Variants in GPC5 observed in about 807,000 individuals in gnomAD.
GPC5 encodes the protein glypican-5.
Under a neutral mutation model 53.9 loss-of-function variants are expected in GPC5, and 47 were observed. That is an observed-to-expected ratio of 0.87 (90% CI 0.69 to 1.11). The LOEUF is 1.11. GPC5 is among the 50% of genes most tolerant of loss of function. GPC5 has a pLI of 0.00. For missense variants in GPC5, 748 were observed against 713.1 expected, an observed-to-expected ratio of 1.05 and a Z score of -0.56; for synonymous variants, 286 against 263.3, an observed-to-expected ratio of 1.09 and a Z score of -0.84.
At chr13:91,478,843 ACACAT>A (rs1883114106) in intron 2 of GPC5, among the ~76,000 whole-genome samples, 8 of 118,388 alleles carry the variant, frequency 6.8e-5, no homozygotes, top group African/African-American at 1.3e-4. Context: ...ACATATATAT[ACACAT>A]TATATATATA....
At chr13:92,355,399 G>A (rs941997593) in intron 7 of GPC5, among the ~76,000 whole-genome samples, 8 of 152,086 alleles carry the variant, frequency 5.3e-5, no homozygotes, top group African/African-American at 1.9e-4. Flanking sequence ...GCAGACTCTG[G>A]CTTTATCGCC....
chr13:91,995,860 G>T (rs1399451616), intron 6 of GPC5: 2 of 152,102 alleles, frequency 1.3e-5, no homozygotes, highest in Non-Finnish European at 2.9e-5. Flanking sequence ...GTGCAATAAG[G>T]CATTTTAGGT....
intron 7 of GPC5, among the ~76,000 whole-genome samples, chr13:92,361,217 C>T (rs1394872929): frequency 6.6e-6 from 1 of 151,518 alleles, no homozygotes; most frequent in African/African-American, 2.4e-5. Flanking sequence ...CTAAAGAAAA[C>T]CTTTGGTCAC....
At chr13:92,695,847 C>T (rs921310835) in intron 7 of GPC5, among the ~76,000 whole-genome samples, 1 of 152,036 alleles carries the variant, frequency 6.6e-6, no homozygotes, top group African/African-American at 2.4e-5. Flanking sequence ...ATTATCCCTC[C>T]CCTAGTCCCC....
chr13:91,837,204 G>A (rs1287392335), intron 5 of GPC5, among the ~76,000 whole-genome samples: 6 of 151,680 alleles, frequency 4.0e-5, no homozygotes, highest in Admixed American at 3.9e-4. Flanking sequence ...ATTACTATTA[G>A]AAATCCCTAT....
chr13:92,661,259 A>C (rs1270757179), intron 7 of GPC5, among the ~76,000 whole-genome samples: 2 of 151,900 alleles, frequency 1.3e-5, no homozygotes, highest in Non-Finnish European at 2.9e-5. Context: ...ATGCCAATGC[A>C]CTCTAACCTG....
chr13:92,193,194 T>C (rs1241931839), intron 7 of GPC5, among the ~76,000 whole-genome samples: 3 of 151,920 alleles, frequency 2.0e-5, no homozygotes, highest in African/African-American at 7.3e-5. Context: ...TAATAAAAAA[T>C]ATATTGCATA....
chr13:92,278,334 A>G (rs2042890384), intron 7 of GPC5, among the ~76,000 whole-genome samples: 1 of 152,040 alleles, frequency 6.6e-6, no homozygotes, highest in Non-Finnish European at 1.5e-5. Context: ...TGCAGCAAGA[A>G]GTGCTTCCAA....
intron 6 of GPC5, among the ~76,000 whole-genome samples, chr13:92,018,887 G>A (rs993724033): frequency 6.6e-6 from 1 of 151,854 alleles, no homozygotes; most frequent in Non-Finnish European, 1.5e-5. Context: ...AAAACTAAAG[G>A]ATGCAGAGCA....
At chr13:91,729,049 G>C (rs982595567) in intron 4 of GPC5, among the ~76,000 whole-genome samples, 4 of 152,128 alleles carry the variant, frequency 2.6e-5, no homozygotes, top group Admixed American at 6.6e-5. Flanking sequence ...AATATGGCTA[G>C]TGGCTATTGT....
At chr13:91,645,225 T>C (rs964113448) in intron 2 of GPC5, among the ~76,000 whole-genome samples, 1 of 152,166 alleles carries the variant, frequency 6.6e-6, no homozygotes, top group South Asian at 2.1e-4. Context: ...TATCCTGTTT[T>C]TTTCTAACTG....
intron 5 of GPC5, among the ~76,000 whole-genome samples, chr13:91,905,806 G>T (rs1327185959): frequency 6.6e-6 from 1 of 152,070 alleles, no homozygotes; most frequent in African/African-American, 2.4e-5. Context: ...ATTAAAATGA[G>T]AATATTTTTG....
chr13:92,229,749 C>G (rs1186364858), intron 7 of GPC5, among the ~76,000 whole-genome samples: 1 of 148,820 alleles, frequency 6.7e-6, no homozygotes, highest in Non-Finnish European at 1.5e-5. Context: ...TTCAGAGATA[C>G]AGAAAAGTTA....
At chr13:91,742,277 T>C (rs758848461) in intron 4 of GPC5, among the ~76,000 whole-genome samples, 2 of 152,204 alleles carry the variant, frequency 1.3e-5, no homozygotes, top group African/African-American at 2.4e-5. Context: ...TCTTAACCTT[T>C]GGGGATCATG....
intron 7 of GPC5, among the ~76,000 whole-genome samples, chr13:92,405,306 T>A (rs979853087): frequency 6.6e-6 from 1 of 152,082 alleles, no homozygotes. Flanking sequence ...AAAGTGCACA[T>A]CTTTGGAATG....
chr13:92,264,121 A>T (rs1195764727), intron 7 of GPC5, among the ~76,000 whole-genome samples: 1 of 152,132 alleles, frequency 6.6e-6, no homozygotes, highest in Non-Finnish European at 1.5e-5. Flanking sequence ...AATTTTGTCT[A>T]ATTCCAGAGG....
At chr13:92,252,590 T>C (rs1312959401) in intron 7 of GPC5, among the ~76,000 whole-genome samples, 7 of 152,096 alleles carry the variant, frequency 4.6e-5, no homozygotes, top group Non-Finnish European at 1.0e-4. Flanking sequence ...TTTACATATC[T>C]AGGCTTATAC....
intron 2 of GPC5, among the ~76,000 whole-genome samples, chr13:91,613,828 G>T (rs901779269): frequency 6.6e-6 from 1 of 152,110 alleles, no homozygotes; most frequent in Non-Finnish European, 1.5e-5. Context: ...TGAAACAAAG[G>T]GAGTGGCTGA....
intron 6 of GPC5, among the ~76,000 whole-genome samples, chr13:92,002,699 G>T (rs1304688320): frequency 6.6e-6 from 1 of 152,104 alleles, no homozygotes; most frequent in Non-Finnish European, 1.5e-5. Flanking sequence ...AGATAGGAAT[G>T]GAACATATAA....
Sources: gnomAD v4.1 joint callset for allele counts (sites outside exome capture counted in the v4.1 genomes callset) on GRCh38, gnomAD v4.1.1 for gene constraint, MANE v1.5 for transcripts, NCBI Gene and HGNC (gene_info 2026-07-23, HGNC 2026-07-21) for gene names.